The following BRINP3 variants were observed in gnomAD, a reference collection of about 807,000 sequenced individuals.
BRINP3 encodes BMP/retinoic acid-inducible neural-specific protein 3.
BRINP3 carries 19 observed loss-of-function variants against 71.0 expected under a neutral mutation model. That is an observed-to-expected ratio of 0.27 (90% CI 0.19 to 0.39). BRINP3 has a LOEUF of 0.39. Ranked by LOEUF, BRINP3 falls within the 10% of genes least tolerant of loss-of-function variation. BRINP3 has a pLI of 1.00. For synonymous variants in BRINP3, 380 were observed against 337.7 expected (o/e 1.13, Z -1.37); for missense variants, 959 against 940.8 (o/e 1.02, Z -0.25).
intron 2 of BRINP3, 74 bp from the exon 3 acceptor site, chr1:190,281,824 C>A: frequency 1.4e-6 from 2 of 1,409,658 alleles, no homozygotes; most frequent in Middle Eastern, 1.9e-4. Flanking sequence ...CACTTGGTAG[C>A]TGGGGTCAGT....
chr1:190,255,801 G>C (rs1183355842), intron 4 of BRINP3, among the ~76,000 whole-genome samples: 1 of 151,970 alleles, frequency 6.6e-6, no homozygotes, highest in Non-Finnish European at 1.5e-5. Context: ...TCTGATCTTA[G>C]TTATTTCTTG....
At chr1:190,475,245 C>CT (rs1444659871) in intron 1 of BRINP3, among the ~76,000 whole-genome samples, 1 of 152,182 alleles carries the variant, frequency 6.6e-6, no homozygotes, top group Middle Eastern at 3.2e-3. Context: ...AGCAGGCATT[C>CT]TGAGGAATCG....
intron 2 of BRINP3, among the ~76,000 whole-genome samples, chr1:190,421,772 T>C (rs1234061919): frequency 6.6e-6 from 1 of 151,860 alleles, no homozygotes; most frequent in Non-Finnish European, 1.5e-5. Flanking sequence ...CTGAAAAAGT[T>C]TACTAGCTAT....
chr1:190,099,820 G>A (rs1557965506), intron 7 of BRINP3, among the ~76,000 whole-genome samples: 3 of 152,094 alleles, frequency 2.0e-5, no homozygotes, highest in Non-Finnish European at 4.4e-5. Flanking sequence ...CTTCAATAAG[G>A]GGTAAGTGTG....
intron 7 of BRINP3, among the ~76,000 whole-genome samples, chr1:190,112,721 A>G (rs1652797259): frequency 6.6e-6 from 1 of 152,130 alleles, no homozygotes; most frequent in African/African-American, 2.4e-5. Flanking sequence ...GTTTACTCCC[A>G]CATAAATCAC....
chr1:190,344,579 GA>G (rs1667890589), intron 2 of BRINP3, among the ~76,000 whole-genome samples: 1 of 151,714 alleles, frequency 6.6e-6, no homozygotes, highest in Non-Finnish European at 1.5e-5. Flanking sequence ...GACTTTCTTA[GA>G]GAACACTTTT....
At chr1:190,135,921 T>C (rs895464794) in intron 7 of BRINP3, among the ~76,000 whole-genome samples, 9 of 152,044 alleles carry the variant, frequency 5.9e-5, no homozygotes, top group Non-Finnish European at 1.2e-4. Context: ...ATATGTAAAA[T>C]AATGCACACA....
At chr1:190,417,377 T>C (rs1428901657) in intron 2 of BRINP3, among the ~76,000 whole-genome samples, 1 of 152,136 alleles carries the variant, frequency 6.6e-6, no homozygotes, top group African/African-American at 2.4e-5. Flanking sequence ...TTACAGTAAA[T>C]ATTTGGCAGA....
chr1:190,460,121 AAT>A, intron 1 of BRINP3, among the ~76,000 whole-genome samples: 1 of 151,954 alleles, frequency 6.6e-6, no homozygotes, highest in East Asian at 1.9e-4. Context: ...GAAGCTTATA[AAT>A]GTAAAACTAT....
At chr1:190,456,587 G>A (rs1479383002) in intron 1 of BRINP3, among the ~76,000 whole-genome samples, 4 of 151,590 alleles carry the variant, frequency 2.6e-5, no homozygotes, top group African/African-American at 9.7e-5. Flanking sequence ...TTTTTCTTAT[G>A]AGAACTATAC....
At chr1:190,317,361 T>G (rs1351089877) in intron 2 of BRINP3, among the ~76,000 whole-genome samples, 1 of 152,028 alleles carries the variant, frequency 6.6e-6, no homozygotes, top group Non-Finnish European at 1.5e-5. Flanking sequence ...CAAACCTCCA[T>G]GAATGGCCTT....
In BRINP3 at chr1:190,157,221, C is replaced by T. The variant is rs76548590; in HGVS notation, c.1184+3447G>A. Among the ~76,000 whole-genome samples the T allele has an allele frequency of 1.7e-3, 256 of 152,016 alleles. 3 individuals are homozygous for T. The East Asian group carries it at 0.044, about 26-fold the overall frequency. On this transcript the variant is annotated intron_variant, in intron 7 of 7. Coordinates refer to ENST00000367462, the MANE Select transcript of BRINP3 (RefSeq NM_199051.3). ...ATCAGCCCTCCTTATGCATGGGTTT[C>T]GCATCCCATAAATACTATATTTTTC... is the stretch of plus-strand genomic sequence containing the variant.
chr1:190,164,568 T>C (rs1388560451), intron 6 of BRINP3, among the ~76,000 whole-genome samples: 1 of 152,090 alleles, frequency 6.6e-6, no homozygotes, highest in Non-Finnish European at 1.5e-5. Context: ...CAAGTACATA[T>C]CTTCTGTTTC....
chr1:190,139,218 C>T (rs543307832), intron 7 of BRINP3, among the ~76,000 whole-genome samples: 7 of 151,478 alleles, frequency 4.6e-5, no homozygotes, highest in Non-Finnish European at 7.4e-5. Flanking sequence ...AAGGCCTAGG[C>T]GGGCAGATCG....
intron 2 of BRINP3, among the ~76,000 whole-genome samples, chr1:190,291,513 T>G (rs1021330196): frequency 9.9e-5 from 15 of 152,040 alleles, no homozygotes; most frequent in Non-Finnish European, 2.9e-5. Context: ...TAGATATTTC[T>G]CAAAAGAAGA....
At chr1:190,264,790 T>A in intron 4 of BRINP3, 75 bp downstream of exon 4, 3 of 1,202,938 alleles carry the variant, frequency 2.5e-6, no homozygotes, top group Non-Finnish European at 3.5e-6. Flanking sequence ...AATAAGCAAA[T>A]ACATAAAAAT....
chr1:190,150,128 C>A (rs778468723), intron 7 of BRINP3, among the ~76,000 whole-genome samples: 2 of 151,962 alleles, frequency 1.3e-5, no homozygotes, highest in African/African-American at 4.8e-5. Flanking sequence ...TTTATAAAAC[C>A]ATTTTCACTT....
At chr1:190,389,853 TAGA>T (rs1256743124) in intron 2 of BRINP3, among the ~76,000 whole-genome samples, 1 of 151,590 alleles carries the variant, frequency 6.6e-6, no homozygotes, top group Non-Finnish European at 1.5e-5. Context: ...CTGATTAGGG[TAGA>T]CACAAGAGAA....
chr1:190,216,573 G>A (rs1356166756), intron 6 of BRINP3, among the ~76,000 whole-genome samples: 1 of 151,806 alleles, frequency 6.6e-6, no homozygotes, highest in Non-Finnish European at 1.5e-5. Flanking sequence ...TTTGCAGGCT[G>A]TAACAGGTGG....
Sources: gnomAD v4.1 joint callset for allele counts (sites outside exome capture counted in the v4.1 genomes callset) on GRCh38, gnomAD v4.1.1 for gene constraint, MANE v1.5 for transcripts, NCBI Gene and HGNC (gene_info 2026-07-23, HGNC 2026-07-21) for gene names.